Variants in PTPRT observed in about 807,000 individuals in gnomAD.
The protein encoded by PTPRT is receptor-type tyrosine-protein phosphatase T.
Under a neutral mutation model 176.8 loss-of-function variants are expected in PTPRT, and 56 were observed. The observed-to-expected ratio is 0.32, with a 90% CI of 0.26 to 0.40. PTPRT has a LOEUF of 0.40. Among genes scored for constraint, PTPRT ranks in the 10% least tolerant of loss-of-function variants. PTPRT has a pLI of 1.00. For synonymous variants in PTPRT, 783 were observed against 739.0 expected, an observed-to-expected ratio of 1.06 and a Z score of -0.96; for missense variants, 1,540 against 1,908.2, an observed-to-expected ratio of 0.81 and a Z score of 3.60.
chr20:42,142,218 T>C (rs1988663450), intron 17 of PTPRT, among the ~76,000 whole-genome samples: 1 of 152,214 alleles, frequency 6.6e-6, no homozygotes, highest in African/African-American at 2.4e-5. Context: ...GTCTTCTGTG[T>C]CATGAGTTCA....
chr20:42,360,638 A>G (rs6102804), intron 9 of PTPRT, among the ~76,000 whole-genome samples: 84,199 of 152,080 alleles, frequency 0.55, 24,757 homozygotes, highest in East Asian at 0.87. Context: ...GTTTCTGAAC[A>G]TGAGCTGCTT....
At chr20:42,295,913 CCTTGTGAAGGA>C (rs1341828735) in intron 12 of PTPRT, among the ~76,000 whole-genome samples, 1 of 152,208 alleles carries the variant, frequency 6.6e-6, no homozygotes, top group Non-Finnish European at 1.5e-5. Flanking sequence ...TCTTCTGCCA[CCTTGTGAAGGA>C]CATGTTTGCT....
chr20:42,958,288 GGGGAGA>G (rs1185664353), intron 1 of PTPRT, among the ~76,000 whole-genome samples: 1 of 67,272 alleles, frequency 1.5e-5, no homozygotes, highest in Non-Finnish European at 3.0e-5. Context: ...GAGGAGGGAA[GGGGAGA>G]GGAGGGGAGG....
intron 12 of PTPRT, among the ~76,000 whole-genome samples, chr20:42,288,192 A>T (rs2057262328): frequency 6.6e-6 from 1 of 151,972 alleles, no homozygotes; most frequent in African/African-American, 2.4e-5. Flanking sequence ...ACCAGCACCC[A>T]GATCAAAACA....
intron 2 of PTPRT, among the ~76,000 whole-genome samples, chr20:42,809,929 A>G (rs1218509636): frequency 3.3e-5 from 5 of 152,098 alleles, no homozygotes; most frequent in African/African-American, 1.2e-4. Context: ...ATTCAACCCC[A>G]CTACAACTAC....
intron 13 of PTPRT, among the ~76,000 whole-genome samples, chr20:42,281,301 C>A (rs1026469303): frequency 6.6e-6 from 1 of 152,150 alleles, no homozygotes; most frequent in Non-Finnish European, 1.5e-5. Context: ...TGAGAGGGAA[C>A]AAGTTAGGGA....
chr20:42,478,283 G>A (rs2071325761), intron 7 of PTPRT, among the ~76,000 whole-genome samples: 1 of 152,116 alleles, frequency 6.6e-6, no homozygotes, highest in Non-Finnish European at 1.5e-5. Context: ...CACATGTTAG[G>A]GACAGGCTTG....
chr20:42,737,684 C>A, intron 6 of PTPRT, among the ~76,000 whole-genome samples: 1 of 151,014 alleles, frequency 6.6e-6, no homozygotes, highest in East Asian at 2.0e-4. Context: ...CAGAAGGAAC[C>A]AACCCTACTG....
In PTPRT at chr20:42,560,280, G is replaced by C. The variant is rs749755465; in HGVS notation, c.1154-87718C>G. Among the ~76,000 whole-genome samples the C allele has an allele frequency of 5.3e-5, 8 of 152,306 alleles. No homozygotes were observed. In the South Asian group the frequency reaches 6.2e-4, roughly 12 times the overall value. The stretch of plus-strand genomic sequence containing the variant: ...GTACAGGCATGGGATTGGAGAATAG[G>C]AGGATGGCGAGGTTGGGCAGTGATT... On this transcript the variant is annotated intron_variant, in intron 7 of 30. Coordinates refer to ENST00000373187, the MANE Select transcript of PTPRT (RefSeq NM_007050.6).
intron 1 of PTPRT, among the ~76,000 whole-genome samples, chr20:43,161,644 A>G (rs73106087): frequency 0.08 from 12,164 of 152,180 alleles, 594 homozygotes; most frequent in South Asian, 0.13. Context: ...CCTCTCCAGA[A>G]TCCACAGAGC....
At chr20:42,593,405 C>G (rs2073614467) in intron 7 of PTPRT, among the ~76,000 whole-genome samples, 1 of 152,190 alleles carries the variant, frequency 6.6e-6, no homozygotes, top group African/African-American at 2.4e-5. Flanking sequence ...CAGTCACTCT[C>G]TAATACCTTG....
At chr20:42,282,845 C>T (rs565133974) in intron 12 of PTPRT, among the ~76,000 whole-genome samples, 27 of 152,170 alleles carry the variant, frequency 1.8e-4, no homozygotes, top group Admixed American at 5.2e-4. Flanking sequence ...AACAATAACA[C>T]GTAGTGGGTA....
chr20:42,535,367 A>G (rs967013718), intron 7 of PTPRT, among the ~76,000 whole-genome samples: 1 of 152,172 alleles, frequency 6.6e-6, no homozygotes, highest in Non-Finnish European at 1.5e-5. Flanking sequence ...ACTATCTTAT[A>G]GGGTCCTACG....
At chr20:42,719,207 C>T (rs1013787882) in intron 6 of PTPRT, among the ~76,000 whole-genome samples, 1 of 152,146 alleles carries the variant, frequency 6.6e-6, no homozygotes, top group African/African-American at 2.4e-5. Flanking sequence ...GCAGAACTGT[C>T]CGCGCAAGAG....
At chr20:42,897,840 T>G (rs1162968023) in intron 1 of PTPRT, among the ~76,000 whole-genome samples, 1 of 152,198 alleles carries the variant, frequency 6.6e-6, no homozygotes, top group Non-Finnish European at 1.5e-5. Flanking sequence ...TTATGAGGAT[T>G]GGGTAATTTA....
Position 42,108,459 on chromosome 20 carries a change from T to G in PTPRT, c.3255-1538A>C, listed in dbSNP as rs142665456. ...AATGATGTTGATAATAATTAATAGATCCACCTCACAGCATTAATAGCACAA... is the reference window on the plus strand; with the variant it reads ...AATGATGTTGATAATAATTAATAGAGCCACCTCACAGCATTAATAGCACAA... On this transcript the variant is annotated intron_variant, in intron 23 of 30. Coordinates refer to ENST00000373187, the MANE Select transcript of PTPRT (RefSeq NM_007050.6). Among the ~76,000 whole-genome samples the G allele has an allele frequency of 9.1e-3, 1,390 of 152,284 alleles. 15 individuals are homozygous for G. The highest frequency in any genetic ancestry group is 0.031 in the African/African-American group (1,286 of 41,550).
chr20:42,634,330 C>A (rs1008112413), intron 7 of PTPRT, among the ~76,000 whole-genome samples: 1 of 148,706 alleles, frequency 6.7e-6, no homozygotes, highest in Non-Finnish European at 1.5e-5. Flanking sequence ...GTGCACTACC[C>A]CCTATTTCTC....
intron 6 of PTPRT, among the ~76,000 whole-genome samples, chr20:42,753,200 C>T (rs1242474293): frequency 6.6e-6 from 1 of 152,108 alleles, no homozygotes; most frequent in African/African-American, 2.4e-5. Flanking sequence ...TGTGACCAAA[C>T]AGCATGAGCC....
intron 15 of PTPRT, among the ~76,000 whole-genome samples, chr20:42,232,859 G>A (rs1464682701): frequency 6.8e-6 from 1 of 147,668 alleles, no homozygotes; most frequent in Non-Finnish European, 1.5e-5. Flanking sequence ...TCCTACTCAT[G>A]GTCCCCAGGC....
Sources: allele counts gnomAD v4.1 joint callset (sites outside exome capture counted in the v4.1 genomes callset), GRCh38; gene constraint gnomAD v4.1.1; transcripts MANE v1.5; gene names NCBI Gene and HGNC (gene_info 2026-07-23, HGNC 2026-07-21).